Variants in TNRC6A observed in about 807,000 individuals in gnomAD.
TNRC6A encodes the protein trinucleotide repeat-containing gene 6A protein.
TNRC6A carries 44 observed loss-of-function variants against 221.2 expected under a neutral mutation model. The observed-to-expected ratio is 0.20, with a 90% confidence interval of 0.16 to 0.26. TNRC6A has a LOEUF of 0.26. TNRC6A is among the 10% of genes least tolerant of loss of function. TNRC6A has a pLI of 1.00. For missense variants in TNRC6A, 2,199 were observed against 2,404.4 expected, an observed-to-expected ratio of 0.91 and a Z score of 1.79; for synonymous variants, 847 against 838.5, an observed-to-expected ratio of 1.01 and a Z score of -0.18.
chr16:24,728,873 T>C (rs2056540270), upstream of TNRC6A, among the ~76,000 whole-genome samples: 1 of 152,196 alleles, frequency 6.6e-6, no homozygotes, highest in Non-Finnish European at 1.5e-5. Flanking sequence ...CTTTTTCATT[T>C]ATTCTATTGC....
chr16:24,743,684 C>T (rs183612701), intron 2 of TNRC6A, among the ~76,000 whole-genome samples: 23 of 152,314 alleles, frequency 1.5e-4, no homozygotes, highest in Non-Finnish European at 2.8e-4. Context: ...TTCTGAATAT[C>T]CTTAACCCTT....
At chr16:24,668,182 G>A (rs2055213512) in intron 2 of TNRC6A, among the ~76,000 whole-genome samples, 1 of 151,914 alleles carries the variant, frequency 6.6e-6, no homozygotes, top group Admixed American at 6.6e-5. Context: ...ACAAAAATTA[G>A]CCAGGCGTGG....
chr16:24,657,249 T>C (rs1447646183), intron 2 of TNRC6A, among the ~76,000 whole-genome samples: 1 of 137,044 alleles, frequency 7.3e-6, no homozygotes, highest in Non-Finnish European at 1.5e-5. Context: ...GCCTGGGAGG[T>C]CAAGGCTACA....
intron 11 of TNRC6A, chr16:24,803,909 G>GA (rs1189155467): frequency 1.4e-3 from 448 of 316,080 alleles, no homozygotes; most frequent in Middle Eastern, 2.7e-3. Flanking sequence ...AAATAAAAAA[G>GA]AAAAAAAAAG....
intron 5 of TNRC6A, among the ~76,000 whole-genome samples, chr16:24,786,917 G>A (rs1313371674): frequency 1.3e-5 from 2 of 152,132 alleles, no homozygotes; most frequent in Non-Finnish European, 2.9e-5. Flanking sequence ...TCCAGACCTC[G>A]TGATCCCCTC....
intron 2 of TNRC6A, among the ~76,000 whole-genome samples, chr16:24,713,383 A>C (rs1262299098): frequency 6.6e-6 from 1 of 151,930 alleles, no homozygotes; most frequent in African/African-American, 2.4e-5. Flanking sequence ...ATGCCAGTGC[A>C]CTCCAGCCTG....
intron 2 of TNRC6A, among the ~76,000 whole-genome samples, chr16:24,667,294 A>T (rs2055192797): frequency 6.6e-6 from 1 of 152,060 alleles, no homozygotes; most frequent in Non-Finnish European, 1.5e-5. Flanking sequence ...GGCCTCAGCT[A>T]GGACAAATGG....
chr16:24,629,400 T>C (rs1214855707), intron 1 of TNRC6A, among the ~76,000 whole-genome samples: 1 of 152,218 alleles, frequency 6.6e-6, no homozygotes, highest in Non-Finnish European at 1.5e-5. Context: ...ATCCAGAAAT[T>C]TTTAAACATT....
chr16:24,767,803 T>C (rs1254297260), intron 4 of TNRC6A, among the ~76,000 whole-genome samples: 5 of 152,210 alleles, frequency 3.3e-5, no homozygotes, highest in Admixed American at 6.5e-5. Context: ...TATATAACTT[T>C]AGGGAATTAA....
intron 2 of TNRC6A, among the ~76,000 whole-genome samples, chr16:24,721,873 A>G (rs1305510129): frequency 6.6e-6 from 1 of 152,250 alleles, no homozygotes; most frequent in Non-Finnish European, 1.5e-5. Flanking sequence ...AGGCACGTTT[A>G]GCAAGAGGAG....
At chr16:24,822,208 C>G in intron 23 of TNRC6A, 61 bp downstream of exon 23, 1 of 1,547,822 alleles carries the variant, frequency 6.5e-7, no homozygotes, top group Admixed American at 1.7e-5. Context: ...AACAGAGGTT[C>G]GGGTCTGTAT....
intron 4 of TNRC6A, among the ~76,000 whole-genome samples, chr16:24,772,551 A>G (rs2057633888): frequency 6.6e-6 from 1 of 151,906 alleles, no homozygotes. Flanking sequence ...TTGGGAGGCC[A>G]AGGCAGGAGG....
At chr16:24,762,042 C>T (rs1351021512) in intron 4 of TNRC6A, among the ~76,000 whole-genome samples, 1 of 152,142 alleles carries the variant, frequency 6.6e-6, no homozygotes, top group Non-Finnish European at 1.5e-5. Flanking sequence ...TAATAAACCC[C>T]TGAGCTCCTA....
At chr16:24,709,082 C>A (rs1003997160) in intron 2 of TNRC6A, among the ~76,000 whole-genome samples, 2 of 152,064 alleles carry the variant, frequency 1.3e-5, no homozygotes, top group South Asian at 2.1e-4. Flanking sequence ...CATGGAGAAA[C>A]CCCGTCTCTA....
chr16:24,618,447 G>A (rs1158748895), intron 1 of TNRC6A, among the ~76,000 whole-genome samples: 1 of 152,028 alleles, frequency 6.6e-6, no homozygotes, highest in African/African-American at 2.4e-5. Flanking sequence ...ATATAATTAT[G>A]ATTCCCATTT....
rs529091197 is a variant in TNRC6A, at chr16:24,616,283, G to A, written n.276+5799G>A. ...AGAGGTTGCAGTGAGCTGAGGTTGCGCCACTGCACTCCAGCCTGGGAGACA... is the reference window on the plus strand; with the variant it reads ...AGAGGTTGCAGTGAGCTGAGGTTGCACCACTGCACTCCAGCCTGGGAGACA... On this transcript the variant is annotated intron_variant and non_coding_transcript_variant, in intron 1 of 2. Coordinates refer to the TNRC6A transcript ENST00000566108. Among the ~76,000 whole-genome samples, 19 of 143,584 alleles carry A rather than the reference G, an allele frequency of 1.3e-4. 1 individual carries two copies. The South Asian group carries it at 2.2e-3, about 17-fold the overall frequency. 94.2% of individuals were successfully genotyped at this position (143,584 alleles called of 152,430 possible).
At chr16:24,803,392 C>T (rs2058366295) in intron 11 of TNRC6A, 2 of 151,740 alleles carry the variant, frequency 1.3e-5, no homozygotes, top group Admixed American at 1.3e-4. Flanking sequence ...GCACTCTAGC[C>T]TGGGCTACAG....
intron 2 of TNRC6A, among the ~76,000 whole-genome samples, chr16:24,646,916 C>A (rs1902321801): frequency 1.3e-5 from 2 of 152,022 alleles, no homozygotes; most frequent in African/African-American, 4.8e-5. Flanking sequence ...TCTGTAAAAT[C>A]TTTATTTTTA....
rs1432582280 is a variant in TNRC6A at position 24,739,381 on chromosome 16, T to TG, written c.53+9082dup. 4.6e-5 allele frequency among the ~76,000 whole-genome samples: 7 copies of TG among 152,164 alleles called. No homozygotes were observed. The East Asian group carries it at 9.6e-4, about 21-fold the overall frequency. ...CATCTTTAAATTAGGTGATATTTTT[T>TG]GTCATTGAAAAAGGTCTTTATATAG... is the stretch of plus-strand genomic sequence containing the variant. On this transcript the variant is annotated intron_variant, in intron 2 of 24. Transcript: ENST00000395799.
Sources: gnomAD v4.1 joint callset for allele counts (sites outside exome capture counted in the v4.1 genomes callset) on GRCh38, gnomAD v4.1.1 for gene constraint, MANE v1.5 for transcripts, NCBI Gene and HGNC (gene_info 2026-07-23, HGNC 2026-07-21) for gene names.